The following GCLC variants were observed in gnomAD, a reference collection of about 807,000 sequenced individuals.
GCLC encodes glutamate-cysteine ligase catalytic subunit.
In GCLC, 30 loss-of-function variants were observed where a neutral mutation model predicts 81.5. The observed-to-expected ratio is 0.37, with a 90% CI of 0.28 to 0.50. The LOEUF (loss-of-function observed/expected upper bound fraction) is 0.50, where lower values mean the gene tolerates loss of function less well. Ranked by LOEUF, GCLC falls within the 20% of genes least tolerant of loss-of-function variation. GCLC has a pLI of 0.96. For synonymous variants in GCLC, 262 were observed against 273.3 expected, an observed-to-expected ratio of 0.96 and a Z score of 0.41; for missense variants, 556 against 777.4, an observed-to-expected ratio of 0.72 and a Z score of 3.39.
intron 8 of GCLC, 98 bp from the exon 9 acceptor site, chr6:53,507,716 C>A: frequency 1.9e-6 from 1 of 524,234 alleles, no homozygotes; most frequent in African/African-American, 2.0e-5. Flanking sequence ...ACATAAGATA[C>A]AGAAAAAAAG....
intron 6 of GCLC, chr6:53,509,472 A>G: frequency 3.4e-6 from 2 of 595,486 alleles, no homozygotes; most frequent in Non-Finnish European, 6.0e-6. Flanking sequence ...ACTAATATAA[A>G]TAACCAAGGT....
At chr6:53,509,291 T>C in intron 6 of GCLC, 41 bp from the exon 7 acceptor site, 2 of 1,175,684 alleles carry the variant, frequency 1.7e-6, no homozygotes, top group South Asian at 1.2e-5. Flanking sequence ...AAGGAATCAT[T>C]AGCATGCTCC....
intron 12 of GCLC, among the ~76,000 whole-genome samples, chr6:53,504,490 C>T (rs1442336627): frequency 2.6e-5 from 4 of 152,200 alleles, no homozygotes; most frequent in African/African-American, 9.7e-5. Context: ...AAGGCTTAGA[C>T]TGGTAGCTTA....
chr6:53,537,401 C>A (rs984226925), intron 1 of GCLC, among the ~76,000 whole-genome samples: 8 of 152,168 alleles, frequency 5.3e-5, no homozygotes, highest in African/African-American at 1.2e-4. Flanking sequence ...ATAGAAGGAA[C>A]CTGAATCTTT....
At chr6:53,509,619 T>G in intron 6 of GCLC, 1 of 315,296 alleles carries the variant, frequency 3.2e-6, no homozygotes, top group Non-Finnish European at 6.0e-6. Flanking sequence ...CAAAAGGGAT[T>G]TGGACATGTT....
In GCLC at chr6:53,500,141, G is replaced by C; in HGVS notation, c.1606C>G (p.Pro536Ala). The C allele has an allele frequency of 1.2e-6, 2 of 1,613,590 alleles. No individual in the cohort carries two copies. Among genetic ancestry groups the C allele is most frequent in the East Asian group, 4.5e-5 (2 of 44,864 alleles). ...TTTTCAAGGTAAGAGTTCAGAATTG[G>C]GATCAGTCCAGGAAACACACCTTCC... ...GKEGVFPGLIPILNSYLENME... is the reference protein window; with the variant it reads ...GKEGVFPGLIAILNSYLENME... The change falls in exon 15 of 16, where the codon CCA (proline) becomes GCA (alanine). Residue 536 changes from proline to alanine, a missense_variant. By Grantham distance (27) the Pro-to-Ala change is conservative. Coordinates refer to ENST00000650454, the MANE Select transcript of GCLC (RefSeq NM_001498.4).
At chr6:53,517,249 G>GTT (rs201960255) in intron 3 of GCLC, among the ~76,000 whole-genome samples, 5,479 of 72,924 alleles carry the variant, frequency 0.075, 765 homozygotes, top group East Asian at 0.12. Context: ...ACTGTACCAA[G>GTT]TTTTTTTTTT....
At chr6:53,532,936 T>C (rs1763197472) in intron 1 of GCLC, among the ~76,000 whole-genome samples, 1 of 152,198 alleles carries the variant, frequency 6.6e-6, no homozygotes, top group South Asian at 2.1e-4. Context: ...TTAGAGATCA[T>C]CCATCAGAGT....
intron 4 of GCLC, 23 bp downstream of exon 4, chr6:53,516,086 T>C: frequency 7.4e-7 from 1 of 1,359,196 alleles, no homozygotes; most frequent in South Asian, 1.2e-5. Context: ...GGCATCTGCA[T>C]TTCAACACAA....
chr6:53,507,805 TG>T (rs964287920), intron 8 of GCLC, among the ~76,000 whole-genome samples, 187 bp from the exon 9 acceptor site: 21 of 152,168 alleles, frequency 1.4e-4, no homozygotes, highest in African/African-American at 5.1e-4. Context: ...CCTTTTTTTC[TG>T]GTATGATTTA....
chr6:53,522,544 T>C lies in GCLC; in HGVS notation c.151-17A>G, dbSNP rs1406780359. On this transcript the variant is annotated splice_polypyrimidine_tract_variant and intron_variant, in intron 1 of 15. Coordinates refer to ENST00000650454, the MANE Select transcript of GCLC (RefSeq NM_001498.4). ...GTATTCCACCTATTGAAAATAAAGG[T>C]GAGAAAAATTAACATTCTTCCAGAC... is the stretch of plus-strand genomic sequence containing the variant. 3 of 1,474,578 alleles carry C rather than the reference T, an allele frequency of 2.0e-6. No homozygotes were observed. Among genetic ancestry groups the C allele is most frequent in the Middle Eastern group, 1.7e-4 (1 of 5,774 alleles). 91.3% of individuals were successfully genotyped at this position (1,474,578 alleles called of 1,614,324 possible).
intron 1 of GCLC, among the ~76,000 whole-genome samples, chr6:53,541,042 C>T (rs1763345224): frequency 6.6e-6 from 1 of 152,068 alleles, no homozygotes; most frequent in Admixed American, 6.5e-5. Context: ...TGGTGAAACC[C>T]CGATTCTACT....
At chr6:53,542,734 G>A (rs944080221) in intron 1 of GCLC, among the ~76,000 whole-genome samples, 2 of 152,154 alleles carry the variant, frequency 1.3e-5, no homozygotes, top group African/African-American at 4.8e-5. Flanking sequence ...AGCAGCACAG[G>A]GCCCGGCACA....
chr6:53,544,455 G>C, intron 1 of GCLC, 41 bp downstream of exon 1: 1 of 1,598,716 alleles, frequency 6.3e-7, no homozygotes, highest in Non-Finnish European at 8.5e-7. Flanking sequence ...CGGGCGGCCA[G>C]ACACGGGTGC....
Position 53,497,431 on chromosome 6 carries a change from C to T in GCLC, c.*1325G>A, listed in dbSNP as rs1477302428. On this transcript the variant is annotated 3_prime_UTR_variant, in exon 16 of 16. Transcript: ENST00000650454. ...CTTTTTACAACCTGATTTACACAAG[C>T]AAATTGCAAACGAAAACCAGGCATT... is the stretch of plus-strand genomic sequence containing the variant. 3.3e-5 allele frequency: 5 copies of T among 152,254 alleles called. No homozygotes were observed. The highest frequency in any genetic ancestry group is 9.6e-5 in the African/African-American group (4 of 41,548). 9.4% of individuals were successfully genotyped at this position (152,254 alleles called of 1,614,324 possible).
intron 1 of GCLC, among the ~76,000 whole-genome samples, chr6:53,526,911 G>T (rs1763092922): frequency 6.6e-6 from 1 of 152,010 alleles, no homozygotes; most frequent in African/African-American, 2.4e-5. Flanking sequence ...AAACAATACA[G>T]TTCTATAATA....
At chr6:53,501,761 C>A (rs1003111970) in intron 12 of GCLC, among the ~76,000 whole-genome samples, 14 of 152,284 alleles carry the variant, frequency 9.2e-5, no homozygotes, top group Middle Eastern at 3.4e-3. Context: ...TGGCTGTGAA[C>A]ATCTGCTTTC....
At chr6:53,523,752 CTAAG>C (rs1397067234) in intron 1 of GCLC, among the ~76,000 whole-genome samples, 3 of 152,046 alleles carry the variant, frequency 2.0e-5, no homozygotes, top group African/African-American at 7.3e-5. Context: ...ACATTAAGGG[CTAAG>C]TAATATGATT....
In GCLC at chr6:53,509,264, G is replaced by A; in HGVS notation, c.754-14C>T. 6.6e-7 allele frequency: 1 copy of A among 1,513,226 alleles called. No individual in the cohort carries two copies. Among genetic ancestry groups the A allele is most frequent in the Non-Finnish European group, 9.2e-7 (1 of 1,088,092 alleles). 93.7% of individuals were successfully genotyped at this position (1,513,226 alleles called of 1,614,324 possible). A position where few individuals can be genotyped will look rare whatever the true frequency, so the allele number is the denominator to read the frequency against. On this transcript the variant is annotated splice_polypyrimidine_tract_variant and intron_variant, in intron 6 of 15. Transcript: ENST00000650454. The stretch of plus-strand genomic sequence containing the variant: ...TTGGAATGTCACCTGTTTAAGAATT[G>A]CAAAGTTATTAACACCAAGGAATCA...
Sources: allele counts gnomAD v4.1 joint callset (sites outside exome capture counted in the v4.1 genomes callset), GRCh38; gene constraint gnomAD v4.1.1; transcripts MANE v1.5; gene names NCBI Gene and HGNC (gene_info 2026-07-23, HGNC 2026-07-21).